The following NCOR2 variants were observed in gnomAD, a reference collection of about 807,000 sequenced individuals.
NCOR2 encodes the protein nuclear receptor corepressor 2.
NCOR2 carries 81 observed loss-of-function variants against 262.9 expected under a neutral mutation model. The observed-to-expected ratio is 0.31, with a 90% confidence interval of 0.26 to 0.37. The LOEUF (loss-of-function observed/expected upper bound fraction) is 0.37, where lower values mean the gene tolerates loss of function less well. NCOR2 is among the 10% of genes least tolerant of loss of function. The pLI is 1.00. For missense variants in NCOR2, 3,385 were observed against 3,621.4 expected (o/e 0.93, Z 1.68); for synonymous variants, 1,659 against 1,559.3 (o/e 1.06, Z -1.51).
At chr12:124,354,636 G>C in intron 25 of NCOR2, 54 bp from the exon 28 acceptor site, 1 of 1,445,346 alleles carries the variant, frequency 6.9e-7, no homozygotes. Context: ...GGTCCCGGGA[G>C]GCTTGTCCCC....
chr12:124,372,503 C>A (rs200734211), exon 20 of NCOR2: 20 of 1,585,706 alleles, frequency 1.3e-5, no homozygotes, highest in Non-Finnish European at 1.6e-5. Context: ...GGTGGCCCGT[C>A]GGCGCCCAGG....
At chr12:124,335,388 C>G in intron 39 of NCOR2, 95 bp downstream of exon 41, 2 of 1,513,628 alleles carry the variant, frequency 1.3e-6, no homozygotes, top group Middle Eastern at 2.0e-4. Flanking sequence ...AATTCCTTGG[C>G]CTTTAGGCAC....
chr12:124,534,096 C>T (rs2050995031), intron 1 of NCOR2, among the ~76,000 whole-genome samples: 1 of 152,124 alleles, frequency 6.6e-6, no homozygotes, highest in East Asian at 1.9e-4. Flanking sequence ...TGTGGCTGGA[C>T]TGACTCCCAC....
At chr12:124,545,992 A>C (rs1462613635) in intron 1 of NCOR2, among the ~76,000 whole-genome samples, 1 of 152,190 alleles carries the variant, frequency 6.6e-6, no homozygotes, top group Non-Finnish European at 1.5e-5. Flanking sequence ...GCATAGGTGA[A>C]GCATAGACAG....
intron 1 of NCOR2, among the ~76,000 whole-genome samples, chr12:124,487,603 A>ACCGACCCCTCCCTCCG (rs773644085): frequency 1.3e-5 from 2 of 151,906 alleles, no homozygotes; most frequent in Non-Finnish European, 2.9e-5. Context: ...TTTTCCATCC[A>ACCGACCCCTCCCTCCG]CCGACCCCTC....
At chr12:124,383,878 G>C (rs2040594281) in intron 17 of NCOR2, among the ~76,000 whole-genome samples, 1 of 152,208 alleles carries the variant, frequency 6.6e-6, no homozygotes, top group Admixed American at 6.5e-5. Flanking sequence ...TGGGGTCTCT[G>C]GTCCTCCAAG....
chr12:124,330,873 G>A, exon 44 of NCOR2: 1 of 1,583,622 alleles, frequency 6.3e-7, no homozygotes, highest in Non-Finnish European at 8.6e-7. Context: ...GCATATTGAA[G>A]ATCTCCGTCC....
At chr12:124,346,624 C>T (rs1461260891) in exon 31 of NCOR2, 2 of 1,594,130 alleles carry the variant, frequency 1.3e-6, no homozygotes, top group Non-Finnish European at 1.7e-6. Context: ...GCGTGTGCCG[C>T]AGCTCCTCGC....
In NCOR2 at chr12:124,548,716, G is replaced by A. The variant is rs1242046817; in HGVS notation, c.-164-13105C>T. Among the ~76,000 whole-genome samples, 3 of 151,980 alleles carry A rather than the reference G, an allele frequency of 2.0e-5. No individual in the cohort carries two copies. Among genetic ancestry groups the A allele is most frequent in the Non-Finnish European group, 4.4e-5 (3 of 68,002 alleles). On this transcript the variant is annotated intron_variant, in intron 1 of 32. Transcript: ENST00000458234. This position sits in a 1 kb window ranked among gnomAD's most constrained non-coding sequence, Gnocchi z 5.1. ...GGTCCCCACCCCAGGGATGTTTTTG[G>A]CTGCCCCATGACTGGCTCATGGCCT...
intron 3 of NCOR2, among the ~76,000 whole-genome samples, chr12:124,474,017 C>T (rs1263442973): frequency 6.6e-6 from 1 of 152,206 alleles, no homozygotes; most frequent in Non-Finnish European, 1.5e-5. Context: ...GGTTTCCCAG[C>T]CTCTCCTCAA....
exon 11 of NCOR2, chr12:124,426,778 T>G (rs371462963): frequency 1.3e-6 from 2 of 1,583,548 alleles, no homozygotes; most frequent in African/African-American, 2.7e-5. Flanking sequence ...CACGGCCAGC[T>G]GGCGCATCTG....
intron 37 of NCOR2, among the ~76,000 whole-genome samples, chr12:124,339,565 A>C: frequency 1.4e-5 from 2 of 139,094 alleles, no homozygotes; most frequent in Non-Finnish European, 3.1e-5. Context: ...CCATCCATCC[A>C]TCCACCCACC....
rs1045470333 is a variant in NCOR2, at chr12:124,541,974, G to C, written c.-164-6363C>G. Reference sequence around the variant, plus strand: ...GATGGGGGCTGTGTTCCTGGCCACAGGAGGGGAGCCACGTGCTCCAGTGGA... The same window carrying C: ...GATGGGGGCTGTGTTCCTGGCCACACGAGGGGAGCCACGTGCTCCAGTGGA... On this transcript the variant is annotated intron_variant, in intron 1 of 32. Coordinates refer to the NCOR2 transcript ENST00000458234. Among the ~76,000 whole-genome samples, 11 of 151,426 alleles carry C rather than the reference G, an allele frequency of 7.3e-5. No individual in the cohort carries two copies. In the South Asian group the frequency reaches 1.9e-3, roughly 26 times the overall value.
intron 1 of NCOR2, among the ~76,000 whole-genome samples, chr12:124,562,512 C>T (rs1344417354): frequency 6.6e-6 from 1 of 152,236 alleles, no homozygotes; most frequent in Non-Finnish European, 1.5e-5. Context: ...AGGGGGCCTC[C>T]CCCACCCCGT....
chr12:124,495,402 G>A, upstream of NCOR2: 2 of 1,413,766 alleles, frequency 1.4e-6, no homozygotes, highest in East Asian at 2.5e-5. This position sits in a 1 kb window ranked among gnomAD's most constrained non-coding sequence, Gnocchi z 4.4. Flanking sequence ...AACAAGATCA[G>A]CCACGGGGCA....
chr12:124,544,283 A>G (rs1230332808), intron 1 of NCOR2, among the ~76,000 whole-genome samples: 1 of 152,176 alleles, frequency 6.6e-6, no homozygotes, highest in African/African-American at 2.4e-5. Flanking sequence ...TAGGCAGAGC[A>G]AGTACCCCAA....
At chr12:124,516,619 C>G (rs540609533) in intron 1 of NCOR2, among the ~76,000 whole-genome samples, 2 of 152,152 alleles carry the variant, frequency 1.3e-5, no homozygotes, top group African/African-American at 4.8e-5. Flanking sequence ...CGAGACACAC[C>G]GGCAGGCTGC....
At position 124,548,044 on chromosome 12, in the gene NCOR2, G is replaced by C. The variant is rs1396100169; in HGVS notation, c.-164-12433C>G. Among the ~76,000 whole-genome samples, 2 of 152,066 alleles carry C rather than the reference G, an allele frequency of 1.3e-5. No individual in the cohort carries two copies. Among genetic ancestry groups the C allele is most frequent in the African/African-American group, 2.4e-5 (1 of 41,400 alleles). On this transcript the variant is annotated intron_variant, in intron 1 of 32. Coordinates refer to the NCOR2 transcript ENST00000458234. This position sits in a 1 kb window ranked among gnomAD's most constrained non-coding sequence, Gnocchi z 5.1. ...AAGAACTATGATGATGTGGAATCTGGTGAAGGAGCCAGCTGGTGGGAGAGA... is the reference window on the plus strand; with the variant it reads ...AAGAACTATGATGATGTGGAATCTGCTGAAGGAGCCAGCTGGTGGGAGAGA...
intron 1 of NCOR2, among the ~76,000 whole-genome samples, chr12:124,544,468 A>C (rs950538564): frequency 9.9e-5 from 15 of 152,186 alleles, no homozygotes; most frequent in Non-Finnish European, 1.3e-4. Context: ...ATCCGCCAGA[A>C]GCAATTAATT....
Sources: gnomAD v4.1 joint callset for allele counts (sites outside exome capture counted in the v4.1 genomes callset) on GRCh38, gnomAD v4.1.1 for gene constraint, Gnocchi (gnomAD v3.1) non-coding constraint, MANE v1.5 for transcripts, NCBI Gene and HGNC (gene_info 2026-07-23, HGNC 2026-07-21) for gene names.